The following RELN variants were observed in gnomAD, a reference collection of about 807,000 sequenced individuals.
RELN encodes reelin.
RELN carries 108 observed loss-of-function variants against 427.6 expected under a neutral mutation model. The ratio of observed to expected loss-of-function variants is 0.25; its 90% CI spans 0.22 to 0.30. The LOEUF (loss-of-function observed/expected upper bound fraction) is 0.30, where lower values mean the gene tolerates loss of function less well. Ranked by LOEUF, RELN falls within the 10% of genes least tolerant of loss-of-function variation. The pLI, the probability that RELN is intolerant of heterozygous loss-of-function variation, is 1.00. For missense variants in RELN, 3,715 were observed against 4,302.8 expected, an observed-to-expected ratio of 0.86 and a Z score of 3.82; for synonymous variants, 1,524 against 1,513.4, an observed-to-expected ratio of 1.01 and a Z score of -0.16.
chr7:103,901,156 C>G (rs1795075929), intron 2 of RELN, among the ~76,000 whole-genome samples: 1 of 151,944 alleles, frequency 6.6e-6, no homozygotes, highest in Non-Finnish European at 1.5e-5. Flanking sequence ...TAAAAATATA[C>G]TCAGTGTCAT....
chr7:103,842,254 G>A (rs1334019854), intron 2 of RELN, among the ~76,000 whole-genome samples: 3 of 148,644 alleles, frequency 2.0e-5, no homozygotes, highest in Admixed American at 6.7e-5. Flanking sequence ...GCTTCCATCA[G>A]TTAATAAAAA....
chr7:103,786,470 A>G (rs962891249), intron 3 of RELN, among the ~76,000 whole-genome samples: 1 of 150,420 alleles, frequency 6.6e-6, no homozygotes, highest in East Asian at 2.0e-4. Context: ...AGACACACAT[A>G]GGCCCAAAAT....
Position 103,674,295 on chromosome 7 carries a change from C to T in RELN, c.1289+7821G>A, listed in dbSNP as rs150950011. Among the ~76,000 whole-genome samples the T allele has an allele frequency of 2.9e-3, 445 of 152,268 alleles. 1 individual carries two copies. The highest frequency in any genetic ancestry group is 0.01 in the African/African-American group (416 of 41,546). ...TCACAAATGCAGTGTACGCCCTTATCCTGTTGAGGATATTAATTATACTTG... is the reference window on the plus strand; with the variant it reads ...TCACAAATGCAGTGTACGCCCTTATTCTGTTGAGGATATTAATTATACTTG... On this transcript the variant is annotated intron_variant, in intron 11 of 64. Transcript: ENST00000428762.
At chr7:103,795,092 A>G (rs1418864473) in intron 3 of RELN, among the ~76,000 whole-genome samples, 2 of 152,198 alleles carry the variant, frequency 1.3e-5, no homozygotes, top group African/African-American at 4.8e-5. Context: ...GTGTTTAATT[A>G]TATATAATAT....
intron 46 of RELN, among the ~76,000 whole-genome samples, chr7:103,526,130 G>A (rs910957431): frequency 9.2e-5 from 14 of 152,218 alleles, no homozygotes; most frequent in African/African-American, 3.1e-4. Context: ...GAGGTGGCAT[G>A]GGTTGCCTAG....
At chr7:103,562,208 T>G (rs1830659664) in intron 34 of RELN, among the ~76,000 whole-genome samples, 1 of 152,132 alleles carries the variant, frequency 6.6e-6, no homozygotes, top group Non-Finnish European at 1.5e-5. Context: ...TACAAACACA[T>G]GTGTGAAATG....
At chr7:103,706,539 T>G (rs1311997876) in intron 8 of RELN, among the ~76,000 whole-genome samples, 1 of 152,182 alleles carries the variant, frequency 6.6e-6, no homozygotes, top group East Asian at 1.9e-4. Flanking sequence ...GGACACCTAC[T>G]AACAAATGAG....
At chr7:103,808,565 C>T (rs1792658392) in intron 3 of RELN, among the ~76,000 whole-genome samples, 1 of 151,286 alleles carries the variant, frequency 6.6e-6, no homozygotes, top group Non-Finnish European at 1.5e-5. Flanking sequence ...AAAAATACAA[C>T]TTTAAGAAAA....
intron 6 of RELN, among the ~76,000 whole-genome samples, chr7:103,741,709 A>G (rs1790663969): frequency 6.6e-6 from 1 of 151,630 alleles, no homozygotes; most frequent in East Asian, 2.0e-4. Flanking sequence ...GAAAGAGAGG[A>G]AGGCAGAGAC....
intron 3 of RELN, among the ~76,000 whole-genome samples, chr7:103,831,765 T>C (rs566218101): frequency 5.4e-4 from 82 of 152,178 alleles, no homozygotes; most frequent in African/African-American, 1.6e-3. Context: ...AACAAAGACA[T>C]TGGAAGAGCC....
chr7:103,970,146 CTTT>C (rs564924083), intron 1 of RELN, among the ~76,000 whole-genome samples: 3 of 142,646 alleles, frequency 2.1e-5, no homozygotes. Flanking sequence ...TCTTTTTTTC[CTTT>C]TTTTTTTTTT....
At chr7:103,660,879 T>C (rs1357087751) in intron 12 of RELN, among the ~76,000 whole-genome samples, 2 of 152,206 alleles carry the variant, frequency 1.3e-5, no homozygotes, top group African/African-American at 4.8e-5. Flanking sequence ...AAGAAAACTA[T>C]AACTTATGAA....
chr7:103,604,523 T>C (rs1831768087), intron 22 of RELN, 40 bp from the exon 23 acceptor site: 1 of 1,611,030 alleles, frequency 6.2e-7, no homozygotes. Flanking sequence ...GGTTTCAACC[T>C]TTCAGCAGTG....
intron 2 of RELN, among the ~76,000 whole-genome samples, chr7:103,862,408 GTT>G (rs1563057027): frequency 1.4e-4 from 14 of 101,720 alleles, no homozygotes; most frequent in African/African-American, 4.7e-4. Context: ...TTATGCTTTT[GTT>G]CTATCTATCT....
At chr7:103,981,976 G>T (rs934802474) in intron 1 of RELN, among the ~76,000 whole-genome samples, 3 of 152,112 alleles carry the variant, frequency 2.0e-5, no homozygotes, top group Non-Finnish European at 2.9e-5. Flanking sequence ...AGACCAGCCT[G>T]GCCAACACGG....
rs372216050 is a variant in RELN at position 103,630,242 on chromosome 7, G to A, written c.2466-66C>T. On this transcript the variant is annotated intron_variant, in intron 19 of 64. Coordinates refer to ENST00000428762, the MANE Select transcript of RELN (RefSeq NM_005045.4). ...ATCTTAAAACACAAATATTTATAGT[G>A]GGATAGATTTCCCCTGAAGTATAGT... 166 of 1,064,288 alleles carry A rather than the reference G, an allele frequency of 1.6e-4. 4 individuals carry two copies. The South Asian group carries it at 2.0e-3, about 13-fold the overall frequency. 65.9% of individuals were successfully genotyped at this position (1,064,288 alleles called of 1,614,324 possible).
chr7:103,666,699 T>C (rs1833275172), intron 11 of RELN, among the ~76,000 whole-genome samples: 1 of 152,230 alleles, frequency 6.6e-6, no homozygotes, highest in Admixed American at 6.5e-5. Context: ...GGAGGTTCCC[T>C]GGTCCTGAAT....
At chr7:103,828,135 T>C (rs923774389) in intron 3 of RELN, among the ~76,000 whole-genome samples, 23 of 151,964 alleles carry the variant, frequency 1.5e-4, no homozygotes, top group African/African-American at 4.6e-4. Context: ...TGGGCAACCA[T>C]GCAATATTTT....
chr7:103,824,641 T>A lies in RELN; in HGVS notation c.473+8896A>T, dbSNP rs1293048613. Among the ~76,000 whole-genome samples the A allele has an allele frequency of 8.3e-6, 1 of 120,938 alleles. No homozygotes were observed. Among genetic ancestry groups the A allele is most frequent in the Non-Finnish European group, 2.0e-5 (1 of 50,960 alleles). The allele number at this position is 120,938 out of a possible 152,430, so 79.3% of individuals were successfully genotyped here. A position where few individuals can be genotyped will look rare whatever the true frequency, so the allele number is the denominator to read the frequency against. Reference sequence around the variant, plus strand: ...TTTCAAAACAGAGTGTGTGTGTGTGTGTGTGTGTGTGTGTGTGTGTGTGTG... The same window carrying A: ...TTTCAAAACAGAGTGTGTGTGTGTGAGTGTGTGTGTGTGTGTGTGTGTGTG... On this transcript the variant is annotated intron_variant, in intron 3 of 64. Transcript: ENST00000428762. The surrounding 1 kb of genome is among the most constrained non-coding windows in gnomAD (Gnocchi z 4.4).
Sources: gnomAD v4.1 joint callset for allele counts (sites outside exome capture counted in the v4.1 genomes callset) on GRCh38, gnomAD v4.1.1 for gene constraint, Gnocchi (gnomAD v3.1) non-coding constraint, MANE v1.5 for transcripts, NCBI Gene and HGNC (gene_info 2026-07-23, HGNC 2026-07-21) for gene names.